Variants in TGFBR3 observed in about 807,000 individuals in gnomAD.
The protein encoded by TGFBR3 is transforming growth factor beta receptor type 3.
Under a neutral mutation model 87.9 loss-of-function variants are expected in TGFBR3, and 46 were observed. That is an observed-to-expected ratio of 0.52 (90% confidence interval 0.41 to 0.67). TGFBR3 has a LOEUF of 0.67. TGFBR3 is among the 30% of genes least tolerant of loss of function. The pLI, the probability that TGFBR3 is intolerant of heterozygous loss-of-function variation, is 0.00. For missense variants in TGFBR3, 866 were observed against 1,041.9 expected, an observed-to-expected ratio of 0.83 and a Z score of 2.32; for synonymous variants, 381 against 391.6, an observed-to-expected ratio of 0.97 and a Z score of 0.32.
intron 2 of TGFBR3, among the ~76,000 whole-genome samples, chr1:91,826,403 G>A (rs1265323722): frequency 6.6e-6 from 1 of 152,158 alleles, no homozygotes; most frequent in Non-Finnish European, 1.5e-5. Context: ...GGTGAGTGGT[G>A]TGACTGATTC....
At chr1:91,866,778 A>C (rs1039709132) in intron 1 of TGFBR3, 1 of 152,252 alleles carries the variant, frequency 6.6e-6, no homozygotes, top group African/African-American at 2.4e-5. Flanking sequence ...GAAGATTTTA[A>C]AAGTCAGGTG....
rs2100670972 is a variant in TGFBR3, at chr1:91,680,567, A to C, written c.*3172T>G. On this transcript the variant is annotated 3_prime_UTR_variant, in exon 17 of 17. Transcript: ENST00000212355. ...AAATCAGGCTCATTCAGGAAAAACC[A>C]GAAGAGAGAAGTATTGTATTTGGAA... The C allele has an allele frequency of 2.2e-6, 1 of 454,132 alleles. No homozygotes were observed. Among genetic ancestry groups the C allele is most frequent in the East Asian group, 6.9e-5 (1 of 14,396 alleles). 28.1% of individuals were successfully genotyped at this position (454,132 alleles called of 1,614,324 possible).
chr1:91,684,005 T>C, intron 16 of TGFBR3, 148 bp from the exon 17 acceptor site: 2 of 667,248 alleles, frequency 3.0e-6, no homozygotes, highest in Non-Finnish European at 5.2e-6. Flanking sequence ...CCTAGATGGC[T>C]GGAATACCTT....
At chr1:91,786,913 G>A (rs1475711510) in intron 3 of TGFBR3, among the ~76,000 whole-genome samples, 1 of 152,206 alleles carries the variant, frequency 6.6e-6, no homozygotes. Context: ...TTCTATTTTA[G>A]AGAGAATAAA....
chr1:91,831,245 A>G (rs573759791), intron 2 of TGFBR3, among the ~76,000 whole-genome samples: 1 of 152,320 alleles, frequency 6.6e-6, no homozygotes, highest in African/African-American at 2.4e-5. Context: ...AAACTGCACT[A>G]TAAGGCAGGT....
At chr1:91,821,420 T>C (rs2101061547) in intron 2 of TGFBR3, among the ~76,000 whole-genome samples, 1 of 151,862 alleles carries the variant, frequency 6.6e-6, no homozygotes, top group African/African-American at 2.4e-5. Flanking sequence ...ACTGTGCAAA[T>C]GTGTTTTTGA....
At chr1:91,872,837 G>A (rs972489179) in intron 1 of TGFBR3, among the ~76,000 whole-genome samples, 4 of 152,330 alleles carry the variant, frequency 2.6e-5, no homozygotes, top group East Asian at 3.9e-4. Flanking sequence ...AGGATGGGGG[G>A]ACCCACAGGT....
chr1:91,858,627 AAAAAAAC>A (rs1678058156), intron 2 of TGFBR3, among the ~76,000 whole-genome samples: 1 of 150,842 alleles, frequency 6.6e-6, no homozygotes, highest in African/African-American at 2.5e-5. Context: ...AAAAAAAAAA[AAAAAAAC>A]AAAATTTCCC....
intron 3 of TGFBR3, among the ~76,000 whole-genome samples, chr1:91,773,043 A>G (rs1325748647): frequency 1.3e-5 from 2 of 152,280 alleles, no homozygotes; most frequent in Middle Eastern, 3.4e-3. Flanking sequence ...GTGCTCCCCA[A>G]TTTTGCCTTC....
intron 1 of TGFBR3, among the ~76,000 whole-genome samples, chr1:91,901,640 G>A (rs967498424): frequency 6.6e-6 from 1 of 151,954 alleles, no homozygotes; most frequent in African/African-American, 2.4e-5. Flanking sequence ...TAAACGTTGT[G>A]GGCCAGGCTC....
chr1:91,761,242 A>G (rs963483489), intron 3 of TGFBR3, among the ~76,000 whole-genome samples: 5 of 152,258 alleles, frequency 3.3e-5, no homozygotes, highest in Non-Finnish European at 7.3e-5. Flanking sequence ...AAATGAGAAG[A>G]AAAAGATCTA....
chr1:91,688,859 G>A (rs936251305), intron 16 of TGFBR3, among the ~76,000 whole-genome samples: 5 of 151,988 alleles, frequency 3.3e-5, no homozygotes, highest in African/African-American at 9.7e-5. Flanking sequence ...AGTGTAGCCC[G>A]ATGAAAAGAG....
In TGFBR3 at chr1:91,801,370, G is replaced by A. The variant is rs143165977; in HGVS notation, c.62-3899C>T. Reference sequence around the variant, plus strand: ...CAGGGCAAGAGAGATGATGGTGCCCGTGGAGATGGAGAGAAGGGGACAGAG... The same window carrying A: ...CAGGGCAAGAGAGATGATGGTGCCCATGGAGATGGAGAGAAGGGGACAGAG... On this transcript the variant is annotated intron_variant, in intron 2 of 16. Coordinates refer to ENST00000212355, the MANE Select transcript of TGFBR3 (RefSeq NM_003243.5). Among the ~76,000 whole-genome samples, 81 of 152,252 alleles carry A rather than the reference G, an allele frequency of 5.3e-4. 1 individual carries two copies. Among genetic ancestry groups the A allele is most frequent in the African/African-American group, 1.9e-3 (78 of 41,552 alleles).
intron 16 of TGFBR3, 133 bp from the exon 17 acceptor site, chr1:91,683,990 T>C (rs779303347): frequency 4.4e-5 from 34 of 764,858 alleles, no homozygotes; most frequent in Non-Finnish European, 7.0e-5. Flanking sequence ...GCAACTAGAC[T>C]AGGTCCTAGA....
At chr1:91,797,135 C>G in intron 3 of TGFBR3, 152 bp downstream of exon 3, 1 of 918,012 alleles carries the variant, frequency 1.1e-6, no homozygotes. Context: ...GTTGCCCAAT[C>G]CAGACAGCAG....
At chr1:91,694,975 C>T (rs1671380189) in intron 16 of TGFBR3, among the ~76,000 whole-genome samples, 1 of 152,170 alleles carries the variant, frequency 6.6e-6, no homozygotes, top group South Asian at 2.1e-4. Flanking sequence ...TGCTGGCCTG[C>T]ATTCTGTATT....
chr1:91,760,515 T>C (rs1212222992), intron 3 of TGFBR3, among the ~76,000 whole-genome samples: 1 of 152,184 alleles, frequency 6.6e-6, no homozygotes, highest in Non-Finnish European at 1.5e-5. Context: ...AAATATTGAC[T>C]TATCACAGCA....
chr1:91,754,812 G>C (rs2100882746), intron 4 of TGFBR3, among the ~76,000 whole-genome samples: 1 of 152,194 alleles, frequency 6.6e-6, no homozygotes, highest in Admixed American at 6.5e-5. Flanking sequence ...TAACAACACA[G>C]ACATGTCCAT....
intron 4 of TGFBR3, among the ~76,000 whole-genome samples, chr1:91,753,343 T>C (rs1215989860): frequency 2.1e-5 from 3 of 141,412 alleles, no homozygotes; most frequent in Non-Finnish European, 4.5e-5. Flanking sequence ...TGAGGCATGT[T>C]TGCACCACTG....
Sources: gnomAD v4.1 joint callset for allele counts (sites outside exome capture counted in the v4.1 genomes callset) on GRCh38, gnomAD v4.1.1 for gene constraint, MANE v1.5 for transcripts, NCBI Gene and HGNC (gene_info 2026-07-23, HGNC 2026-07-21) for gene names.